HMCN1: variants seen among roughly 807,000 people sequenced by gnomAD.
HMCN1 encodes the protein hemicentin-1.
A neutral mutation model predicts 625.9 loss-of-function variants in HMCN1; 321 were observed. The ratio of observed to expected loss-of-function variants is 0.51; its 90% CI spans 0.47 to 0.56. The LOEUF (loss-of-function observed/expected upper bound fraction) is 0.56. HMCN1 is among the 20% of genes least tolerant of loss of function. HMCN1 has a pLI of 0.00. For synonymous variants in HMCN1, 2,425 were observed against 2,417.6 expected (o/e 1.00, Z -0.09); for missense variants, 6,588 against 6,887.3 (o/e 0.96, Z 1.54).
Position 186,189,654 on chromosome 1 carries a change from G to T in HMCN1, c.16684G>T (p.Val5562Leu). ...GCTGGTTGCATACACACAGGATGGA[G>T]TGATGCATCCCAGGACAACTTTCCT... The part of the protein sequence containing the change: ...IRLVAYTQDG[V>L]MHPRTTFLMV... Residue 5562 changes from valine (V) to leucine (L), a missense_variant, in exon 107 of 107, where the codon GTG (valine) becomes TTG (leucine). Val to Leu is a conservative substitution (Grantham distance 32, BLOSUM62 1). Around this residue, in one of 3 missense-constraint regions of HMCN1, gnomAD observed 1,954 missense variants for 2,013.1 expected, o/e 0.97. Transcript: ENST00000271588. 1 of 1,612,264 alleles carries T rather than the reference G, an allele frequency of 6.2e-7. No homozygotes were observed. The highest frequency in any genetic ancestry group is 8.5e-7 in the Non-Finnish European group (1 of 1,178,826).
At chr1:186,145,167 G>A (rs576251436) in intron 91 of HMCN1, among the ~76,000 whole-genome samples, 47 of 152,334 alleles carry the variant, frequency 3.1e-4, no homozygotes, top group African/African-American at 1.1e-3. Context: ...AATATTTTAA[G>A]ACTCAATAAA....
At chr1:186,113,283 C>T (rs955646871) in intron 72 of HMCN1, among the ~76,000 whole-genome samples, 3 of 152,188 alleles carry the variant, frequency 2.0e-5, no homozygotes, top group Admixed American at 1.3e-4. Context: ...ATTTAGTTCA[C>T]CTTTATTGAT....
rs561462918 is a variant in HMCN1 at position 185,800,904 on chromosome 1, G to C, written c.269-45122G>C. 1.4e-4 allele frequency among the ~76,000 whole-genome samples: 21 copies of C among 152,224 alleles called. No individual in the cohort carries two copies. The South Asian group carries it at 4.4e-3, about 32-fold the overall frequency. ...GTGTCAGCTAAGAAAGTAAACCACTGTTTTTAATAATTTTATTAAAGAAGT... is the reference window on the plus strand; with the variant it reads ...GTGTCAGCTAAGAAAGTAAACCACTCTTTTTAATAATTTTATTAAAGAAGT... On this transcript the variant is annotated intron_variant, in intron 1 of 106. Transcript: ENST00000271588.
intron 1 of HMCN1, among the ~76,000 whole-genome samples, chr1:185,802,684 C>T (rs1037312205): frequency 6.6e-6 from 1 of 152,080 alleles, no homozygotes; most frequent in Admixed American, 6.6e-5. Context: ...CTGAAAAGTG[C>T]TTATTTGACT....
intron 38 of HMCN1, 102 bp from the exon 39 acceptor site, chr1:186,039,626 C>T: frequency 7.8e-7 from 1 of 1,282,110 alleles, no homozygotes. Flanking sequence ...AGCAAACCCT[C>T]CAATAAGAAC....
rs745869818 is a variant in HMCN1 at position 186,000,180 on chromosome 1, T to A, written c.4010T>A (p.Ile1337Asn). 5 of 1,613,050 alleles carry A rather than the reference T, an allele frequency of 3.1e-6. No homozygotes were observed. The Admixed American group carries it at 8.4e-5, about 27-fold the overall frequency. ...ACACCCTATGACAATGGGGAGTACA[T>A]CTGTGTGGCAGTCAATGAAGCTGGA... ...SVTPYDNGEYICVAVNEAGTT... is the reference protein window; with the variant it reads ...SVTPYDNGEYNCVAVNEAGTT... The change falls in exon 26 of 107, where the codon ATC becomes AAC. Residue 1337 changes from isoleucine to asparagine, a missense_variant. Coordinates refer to ENST00000271588, the MANE Select transcript of HMCN1 (RefSeq NM_031935.3).
chr1:186,138,932 ACTTT>A (rs1266091194), intron 89 of HMCN1, among the ~76,000 whole-genome samples: 1 of 152,202 alleles, frequency 6.6e-6, no homozygotes, highest in Non-Finnish European at 1.5e-5. Context: ...CTGAGCACTT[ACTTT>A]GTCATCAAGA....
chr1:185,812,616 G>T (rs1013110460), intron 1 of HMCN1, among the ~76,000 whole-genome samples: 8 of 152,114 alleles, frequency 5.3e-5, no homozygotes, highest in Non-Finnish European at 5.9e-5. Flanking sequence ...ATTTAGCACA[G>T]ATATTAGACT....
At chr1:186,036,541 A>G (rs2102218870) in intron 36 of HMCN1, among the ~76,000 whole-genome samples, 1 of 152,160 alleles carries the variant, frequency 6.6e-6, no homozygotes, top group Non-Finnish European at 1.5e-5. Context: ...ACAATTCAAG[A>G]TGAGATTTGG....
At chr1:185,957,153 T>A (rs1558093984) in intron 11 of HMCN1, 1 of 152,232 alleles carries the variant, frequency 6.6e-6, no homozygotes, top group Admixed American at 6.5e-5. Flanking sequence ...AAGTACTTTC[T>A]TGTCCAGTTC....
intron 89 of HMCN1, among the ~76,000 whole-genome samples, chr1:186,139,738 G>A (rs72707452): frequency 0.016 from 2,486 of 152,092 alleles, 26 homozygotes; most frequent in Middle Eastern, 0.037. Flanking sequence ...ATAAGAGCAT[G>A]TATGAAAATT....
intron 82 of HMCN1, 55 bp downstream of exon 82, chr1:186,125,849 A>G: frequency 7.4e-7 from 1 of 1,350,594 alleles, no homozygotes; most frequent in East Asian, 2.3e-5. Context: ...ATTTGCCATC[A>G]TACTTTTAGT....
intron 1 of HMCN1, among the ~76,000 whole-genome samples, chr1:185,738,907 T>C (rs1394091491): frequency 6.6e-6 from 1 of 152,194 alleles, no homozygotes; most frequent in African/African-American, 2.4e-5. Flanking sequence ...GGGCCATATG[T>C]GCAGGCTTGT....
chr1:185,965,214 C>T (rs143774820), intron 13 of HMCN1, among the ~76,000 whole-genome samples: 155 of 152,180 alleles, frequency 1.0e-3, no homozygotes, highest in African/African-American at 3.4e-3. Flanking sequence ...CTATATTTAG[C>T]ATCACAGGGA....
intron 42 of HMCN1, among the ~76,000 whole-genome samples, chr1:186,050,282 T>G (rs1656864135): frequency 6.6e-6 from 1 of 151,892 alleles, no homozygotes; most frequent in African/African-American, 2.4e-5. Context: ...GAAGCTGTCC[T>G]CCCTGCAACC....
intron 24 of HMCN1, among the ~76,000 whole-genome samples, chr1:185,995,920 C>T (rs549027236): frequency 7.9e-5 from 12 of 152,036 alleles, no homozygotes; most frequent in Non-Finnish European, 1.5e-4. Context: ...TAGTTCTTAG[C>T]GCTGTACTGA....
chr1:186,113,255 G>T (rs534837390), intron 72 of HMCN1, among the ~76,000 whole-genome samples: 1 of 152,268 alleles, frequency 6.6e-6, no homozygotes, highest in Admixed American at 6.5e-5. Context: ...TAAATCACTG[G>T]ATGACAAATG....
chr1:186,094,999 T>C (rs913899496), intron 67 of HMCN1, among the ~76,000 whole-genome samples: 1 of 152,134 alleles, frequency 6.6e-6, no homozygotes, highest in Non-Finnish European at 1.5e-5. Flanking sequence ...CACCAAAATT[T>C]AAAACACATT....
intron 48 of HMCN1, among the ~76,000 whole-genome samples, chr1:186,063,503 AAGGAAGGAAGG>A (rs1215311291): frequency 9.2e-6 from 1 of 108,828 alleles, no homozygotes; most frequent in Non-Finnish European, 1.9e-5. Context: ...GGAAGGAAGG[AAGGAAGGAAGG>A]GAGTCTTTTC....
Sources: allele counts gnomAD v4.1 joint callset (sites outside exome capture counted in the v4.1 genomes callset), GRCh38; gene constraint gnomAD v4.1.1; regional missense constraint gnomAD v4.1.1; transcripts MANE v1.5; gene names NCBI Gene and HGNC (gene_info 2026-07-23, HGNC 2026-07-21).